Variants in MPDZ observed in about 807,000 individuals in gnomAD.
MPDZ encodes multiple PDZ domain protein.
MPDZ carries 234 observed loss-of-function variants against 239.1 expected under a neutral mutation model. That is an observed-to-expected ratio of 0.98 (90% CI 0.88 to 1.09). MPDZ has a LOEUF of 1.09. Among genes scored for constraint, MPDZ ranks in the 50% least tolerant of loss-of-function variants. MPDZ has a pLI of 0.00. For missense variants in MPDZ, 3,175 were observed against 2,510.0 expected (o/e 1.26, Z -5.66); for synonymous variants, 1,048 against 881.3 (o/e 1.19, Z -3.35).
At chr9:13,114,824 C>T (rs571975201) in intron 40 of MPDZ, among the ~76,000 whole-genome samples, 36 of 151,906 alleles carry the variant, frequency 2.4e-4, no homozygotes, top group African/African-American at 7.5e-4. Flanking sequence ...CTACTTCGCC[C>T]GGGAGGCGAA....
chr9:13,235,449 C>G (rs191409673), intron 3 of MPDZ, among the ~76,000 whole-genome samples: 1 of 152,128 alleles, frequency 6.6e-6, no homozygotes, highest in African/African-American at 2.4e-5. Context: ...ATTAAAGTGA[C>G]AAAATGCTTT....
rs780391038 is a variant in MPDZ, at chr9:13,110,666, C to T, written c.5799G>A (p.Leu1933=). The T allele has an allele frequency of 1.2e-5, 20 of 1,613,524 alleles. No individual in the cohort carries two copies. Among genetic ancestry groups the T allele is most frequent in the Non-Finnish European group, 1.7e-5 (20 of 1,179,758 alleles). The change falls in exon 44 of 47, where the codon CTG becomes CTA. Residue 1933 remains leucine (L), a synonymous_variant. Transcript: ENST00000319217. ...GMTHTQAVNL[L]KNASGSIEMQ... The stretch of plus-strand genomic sequence containing the variant: ...TTTCAATGGAGCCAGATGCATTTTT[C>T]AGTAGGTTAACTGCTTGGGTGTGAG...
intron 21 of MPDZ, among the ~76,000 whole-genome samples, chr9:13,172,698 T>C (rs1272134452): frequency 1.3e-5 from 2 of 152,176 alleles, no homozygotes; most frequent in African/African-American, 4.8e-5. Flanking sequence ...AATGTTTTAC[T>C]TTCACTAAAA....
chr9:13,142,256 C>T (rs1947814761), intron 27 of MPDZ, among the ~76,000 whole-genome samples: 1 of 152,046 alleles, frequency 6.6e-6, no homozygotes. Flanking sequence ...ACAAAACCTG[C>T]TTATCTGAAA....
chr9:13,246,180 G>C (rs541830629), intron 3 of MPDZ, among the ~76,000 whole-genome samples: 1 of 152,130 alleles, frequency 6.6e-6, no homozygotes, highest in African/African-American at 2.4e-5. Flanking sequence ...AGGCGCGATG[G>C]CTCACTCCTG....
intron 24 of MPDZ, among the ~76,000 whole-genome samples, chr9:13,157,632 A>C (rs994929940): frequency 2.0e-5 from 3 of 149,596 alleles, no homozygotes; most frequent in South Asian, 4.2e-4. Context: ...TTTACACACA[A>C]ACACACACAC....
chr9:13,113,850 A>T (rs1942916162), intron 41 of MPDZ, 81 bp downstream of exon 41: 10 of 1,068,302 alleles, frequency 9.4e-6, no homozygotes, highest in Non-Finnish European at 1.2e-5. Context: ...GGGGAAAAGA[A>T]AGCTCAGAGG....
At chr9:13,109,828 CTTCA>C (rs1942123164) in intron 45 of MPDZ, 120 bp downstream of exon 45, 5 of 744,394 alleles carry the variant, frequency 6.7e-6, no homozygotes, top group Non-Finnish European at 1.1e-5. Context: ...ATAATTCACA[CTTCA>C]TATATCCTAT....
At position 13,206,095 on chromosome 9, in the gene MPDZ, T is replaced by C. The variant is rs776729444; in HGVS notation, c.1295A>G (p.Asp432Gly). 1 of 1,581,676 alleles carries C rather than the reference T, an allele frequency of 6.3e-7. No homozygotes were observed. Among genetic ancestry groups the C allele is most frequent in the Non-Finnish European group, 8.5e-7 (1 of 1,169,624 alleles). Residue 432 changes from aspartate (D) to glycine (G), a missense_variant, in exon 11 of 47, where the codon GAT becomes GGT. Physicochemically the swap from Asp to Gly is moderately conservative, Grantham distance 94 (BLOSUM62 -1). Transcript: ENST00000319217. ...IQIGDQIIAV[D>G]GTNLQGFTNQ... Reference sequence around the variant, plus strand: ...AGTAAAACCCTGAAGGTTTGTGCCATCTACCTGTGATTAAAAAAAAAAAAA... The same window carrying C: ...AGTAAAACCCTGAAGGTTTGTGCCACCTACCTGTGATTAAAAAAAAAAAAA...
At chr9:13,117,694 A>C (rs1401050302) in intron 39 of MPDZ, among the ~76,000 whole-genome samples, 2 of 152,194 alleles carry the variant, frequency 1.3e-5, no homozygotes, top group Non-Finnish European at 2.9e-5. Flanking sequence ...TGCATGAGGA[A>C]CTTTACGTGC....
Position 13,175,888 on chromosome 9 carries a change from A to G in MPDZ, c.2932-13T>C. ...GGTACTCAGAGCCCTTTAAGAAAGAAAAAGAAGTCACAAGTCACATGGAAA... is the reference window on the plus strand; with the variant it reads ...GGTACTCAGAGCCCTTTAAGAAAGAGAAAGAAGTCACAAGTCACATGGAAA... On this transcript the variant is annotated splice_polypyrimidine_tract_variant and intron_variant, in intron 20 of 46. Transcript: ENST00000319217. 6.3e-7 allele frequency: 1 copy of G among 1,578,294 alleles called. No individual in the cohort carries two copies. The highest frequency in any genetic ancestry group is 8.6e-7 in the Non-Finnish European group (1 of 1,164,762).
At position 13,133,827 on chromosome 9, in the gene MPDZ, G is replaced by A; in HGVS notation, c.4461C>T (p.Pro1487=). Residue 1487 remains proline (P), a synonymous_variant, in exon 32 of 47, where the codon CCC becomes CCT. Coordinates refer to ENST00000319217, the MANE Select transcript of MPDZ (RefSeq NM_001378778.1). The part of the protein sequence containing the change: ...SFKNVQHLEL[P]KDQGGLGIAI... ...TTCCAATTCAAAGCAGATTTACCTTGGGAAGCTCCAGATGTTGCACATTTT... is the reference window on the plus strand; with the variant it reads ...TTCCAATTCAAAGCAGATTTACCTTAGGAAGCTCCAGATGTTGCACATTTT... The A allele has an allele frequency of 1.9e-6, 3 of 1,591,686 alleles. No homozygotes were observed. The highest frequency in any genetic ancestry group is 2.6e-6 in the Non-Finnish European group (3 of 1,162,068).
Position 13,224,357 on chromosome 9 carries a change from G to A in MPDZ, c.393+17C>T. 1.3e-6 allele frequency: 2 copies of A among 1,590,538 alleles called. No homozygotes were observed. The highest frequency in any genetic ancestry group is 8.6e-7 in the Non-Finnish European group (1 of 1,163,244). On this transcript the variant is annotated intron_variant, in intron 4 of 46. Transcript: ENST00000319217. ...ACTACAGGTATTACAATAACTAACA[G>A]AAAGAAATGTTCTTACCTGGGCCAT...
chr9:13,107,677 T>G (rs1342895386), intron 46 of MPDZ, among the ~76,000 whole-genome samples: 2 of 152,176 alleles, frequency 1.3e-5, no homozygotes, highest in African/African-American at 4.8e-5. Context: ...CAAGCTGTCT[T>G]AGTTCTTACT....
chr9:13,179,082 T>G lies in MPDZ; in HGVS notation c.2650-2665A>C, dbSNP rs146987778. Among the ~76,000 whole-genome samples, 217 of 152,222 alleles carry G rather than the reference T, an allele frequency of 1.4e-3. 1 individual carries two copies. The highest frequency in any genetic ancestry group is 5.1e-3 in the African/African-American group (213 of 41,546). On this transcript the variant is annotated intron_variant, in intron 19 of 46. Coordinates refer to ENST00000319217, the MANE Select transcript of MPDZ (RefSeq NM_001378778.1). ...CTTTCCTTGAATGTGACTTATTATCTCTCTAGAATTATCAGATATTCCTAG... is the reference window on the plus strand; with the variant it reads ...CTTTCCTTGAATGTGACTTATTATCGCTCTAGAATTATCAGATATTCCTAG...
rs1201565049 is a variant in MPDZ at position 13,205,947 on chromosome 9, A to C, written c.1443T>G (p.Asp481Glu). The change falls in exon 11 of 47, where the codon GAT (aspartate) becomes GAG (glutamate). Residue 481 changes from aspartate to glutamate, a missense_variant. Transcript: ENST00000319217. ...MSREDVTKDA[D>E]LSPVNASIIK... Reference sequence around the variant, plus strand: ...TTATGCTGGCATTAACAGGAGACAAATCTGCATCTTTTGTGACGTCTTCCC... The same window carrying C: ...TTATGCTGGCATTAACAGGAGACAACTCTGCATCTTTTGTGACGTCTTCCC... 1.9e-6 allele frequency: 3 copies of C among 1,608,370 alleles called. No homozygotes were observed. In the African/African-American group the frequency reaches 4.0e-5, roughly 22 times the overall value.
chr9:13,125,161 T>C, intron 35 of MPDZ, 55 bp downstream of exon 35: 1 of 1,451,812 alleles, frequency 6.9e-7, no homozygotes, highest in African/African-American at 1.4e-5. Flanking sequence ...AGAAACCCTC[T>C]GCTGAGTTCA....
At chr9:13,236,056 T>G (rs904878246) in intron 3 of MPDZ, among the ~76,000 whole-genome samples, 1 of 151,372 alleles carries the variant, frequency 6.6e-6, no homozygotes, top group African/African-American at 2.4e-5. Context: ...TAACAGATTA[T>G]TTTAATATTT....
intron 27 of MPDZ, 126 bp downstream of exon 27, chr9:13,143,340 G>GT (rs1038536323): frequency 1.8e-5 from 13 of 706,666 alleles, no homozygotes; most frequent in South Asian, 3.9e-5. Flanking sequence ...AAACAGCTTT[G>GT]TTTTTTTGTT....
Sources: allele counts gnomAD v4.1 joint callset (sites outside exome capture counted in the v4.1 genomes callset), GRCh38; gene constraint gnomAD v4.1.1; transcripts MANE v1.5; gene names NCBI Gene and HGNC (gene_info 2026-07-23, HGNC 2026-07-21).